The following NLRP4 variants were observed in gnomAD, a reference collection of about 807,000 sequenced individuals.
The protein encoded by NLRP4 is NACHT, LRR and PYD domains-containing protein 4.
A neutral mutation model predicts 84.7 loss-of-function variants in NLRP4; 44 were observed. That is an observed-to-expected ratio of 0.52 (90% CI 0.41 to 0.67). NLRP4 has a LOEUF of 0.67. NLRP4 is among the 30% of genes least tolerant of loss of function. The probability of loss-of-function intolerance (pLI) is 0.00; values close to 1 mark genes in which losing one functional copy is unlikely to be tolerated. For synonymous variants in NLRP4, 544 were observed against 476.4 expected (o/e 1.14, Z -1.85); for missense variants, 1,260 against 1,219.4 (o/e 1.03, Z -0.50).
Position 55,857,570 on chromosome 19 carries a change from A to G in NLRP4, c.281-104A>G, listed in dbSNP as rs753907092. 25 of 1,057,440 alleles carry G rather than the reference A, an allele frequency of 2.4e-5. No individual in the cohort carries two copies. In the Admixed American group the frequency reaches 5.9e-4, roughly 25 times the overall value. The allele number at this position is 1,057,440 out of a possible 1,614,324, so 65.5% of individuals were successfully genotyped here. A position where few individuals can be genotyped will look rare whatever the true frequency, so the allele number is the denominator to read the frequency against. ...TGACCAGGTTTGGCCTGGGGGCCAC[A>G]GTGTGTAGACCCCTGGAAAGATACA... On this transcript the variant is annotated intron_variant, in intron 2 of 9. Coordinates refer to ENST00000301295, the MANE Select transcript of NLRP4 (RefSeq NM_134444.5).
chr19:55,850,078 C>A (rs138871620), intron 1 of NLRP4, among the ~76,000 whole-genome samples: 16 of 141,062 alleles, frequency 1.1e-4, no homozygotes, highest in Admixed American at 1.1e-3. Context: ...TCCGAGACTG[C>A]GGTGTAATTT....
rs1289837578 is a variant in NLRP4, at chr19:55,836,720, C to T, written c.-280C>T. ...CTCCATTCTATTTACCCAGCGTTTT[C>T]CTTCTCTCCAGTTAGTGGGGTAGAT... On this transcript the variant is annotated 5_prime_UTR_variant, in exon 1 of 10. Transcript: ENST00000301295. The T allele has an allele frequency of 6.6e-6, 1 of 151,966 alleles. No individual in the cohort carries two copies. Among genetic ancestry groups the T allele is most frequent in the Non-Finnish European group, 1.5e-5 (1 of 68,090 alleles). 9.4% of individuals were successfully genotyped at this position (151,966 alleles called of 1,614,324 possible). A position where few individuals can be genotyped will look rare whatever the true frequency, so the allele number is the denominator to read the frequency against.
chr19:55,877,232 A>G (rs747046260), intron 8 of NLRP4, 66 bp downstream of exon 8: 80 of 1,464,118 alleles, frequency 5.5e-5, no homozygotes, highest in Non-Finnish European at 6.9e-5. Context: ...GATGGGAAGA[A>G]AGAGAAAGAT....
rs1985599042 is a variant in NLRP4, at chr19:55,881,679, C to G, written c.*92C>G. On this transcript the variant is annotated 3_prime_UTR_variant, in exon 10 of 10. Transcript: ENST00000301295. The stretch of plus-strand genomic sequence containing the variant: ...GACACTGCACCCAGGAGATACAAAT[C>G]ATTGATACTCTGAGTTGTGAGATTT... The G allele has an allele frequency of 4.6e-6, 3 of 654,644 alleles. No individual in the cohort carries two copies. The South Asian group carries it at 6.0e-5, about 13-fold the overall frequency. 40.6% of individuals were successfully genotyped at this position (654,644 alleles called of 1,614,324 possible). A position where few individuals can be genotyped will look rare whatever the true frequency, so the allele number is the denominator to read the frequency against.
chr19:55,865,567 T>C (rs1984922862), intron 5 of NLRP4, among the ~76,000 whole-genome samples: 1 of 152,216 alleles, frequency 6.6e-6, no homozygotes, highest in Non-Finnish European at 1.5e-5. Context: ...GCTGAACTAA[T>C]TTACATTCCT....
intron 1 of NLRP4, among the ~76,000 whole-genome samples, chr19:55,841,920 G>A (rs75714685): frequency 0.1 from 15,776 of 152,144 alleles, 1,083 homozygotes; most frequent in South Asian, 0.24. Flanking sequence ...TTTGACATAC[G>A]AATTTCCTTT....
intron 7 of NLRP4, among the ~76,000 whole-genome samples, chr19:55,871,758 C>T (rs897353485): frequency 1.3e-5 from 2 of 152,148 alleles, no homozygotes; most frequent in African/African-American, 4.8e-5. Flanking sequence ...GCTATCTGGG[C>T]CAATCGTTGG....
At chr19:55,860,468 T>G (rs1984706052) in intron 3 of NLRP4, among the ~76,000 whole-genome samples, 1 of 152,036 alleles carries the variant, frequency 6.6e-6, no homozygotes, top group Admixed American at 6.6e-5. Flanking sequence ...CACAGCTACT[T>G]GAGGGAGGCT....
At chr19:55,859,956 A>C (rs1179137237) in intron 3 of NLRP4, among the ~76,000 whole-genome samples, 4 of 142,028 alleles carry the variant, frequency 2.8e-5, no homozygotes, top group Non-Finnish European at 6.2e-5. Context: ...AAAAAAACAA[A>C]ACACAAATCA....
At chr19:55,849,803 AATTTCCAAAG>A (rs1983945019) in intron 1 of NLRP4, among the ~76,000 whole-genome samples, 1 of 150,120 alleles carries the variant, frequency 6.7e-6, no homozygotes, top group African/African-American at 2.5e-5. Context: ...GCTGCGGTGT[AATTTCCAAAG>A]CTGCGGTGTA....
At chr19:55,863,879 TA>T (rs1984856927) in intron 5 of NLRP4, among the ~76,000 whole-genome samples, 2 of 152,162 alleles carry the variant, frequency 1.3e-5, no homozygotes, top group African/African-American at 4.8e-5. Flanking sequence ...TTCCTGTAAA[TA>T]CTTACCCTCT....
At chr19:55,844,370 C>T (rs576826265) in intron 1 of NLRP4, among the ~76,000 whole-genome samples, 17 of 152,070 alleles carry the variant, frequency 1.1e-4, no homozygotes, top group African/African-American at 2.4e-4. Context: ...TGTAACCTCC[C>T]GGGTTCAAGC....
chr19:55,842,949 T>G (rs141692786), intron 1 of NLRP4, among the ~76,000 whole-genome samples: 1 of 151,852 alleles, frequency 6.6e-6, no homozygotes, highest in Non-Finnish European at 1.5e-5. Context: ...TTAGTAGAGA[T>G]GGGGTTTCAC....
Position 55,862,727 on chromosome 19 carries a change from T to C in NLRP4, c.2186+568T>C, listed in dbSNP as rs1350680097. On this transcript the variant is annotated intron_variant, in intron 5 of 9. Transcript: ENST00000301295. Reference sequence around the variant, plus strand: ...ACTGATTGGGTTTCAGAGAAGACTATAGCGTAAGTCTCTGTTTATTGAGAC... The same window carrying C: ...ACTGATTGGGTTTCAGAGAAGACTACAGCGTAAGTCTCTGTTTATTGAGAC... 2.0e-5 allele frequency among the ~76,000 whole-genome samples: 3 copies of C among 151,280 alleles called. No individual in the cohort carries two copies. The East Asian group carries it at 5.9e-4, about 30-fold the overall frequency.
At chr19:55,874,481 A>C (rs908084741) in intron 7 of NLRP4, among the ~76,000 whole-genome samples, 1 of 152,224 alleles carries the variant, frequency 6.6e-6, no homozygotes, top group Non-Finnish European at 1.5e-5. Flanking sequence ...TGCTACAGAT[A>C]TTAAAAAGAT....
At chr19:55,878,655 C>T in intron 8 of NLRP4, 139 bp from the exon 9 acceptor site, 1 of 638,356 alleles carries the variant, frequency 1.6e-6, no homozygotes, top group South Asian at 2.5e-5. Context: ...GACGCGTGAT[C>T]TGAGGTCGTA....
intron 7 of NLRP4, among the ~76,000 whole-genome samples, chr19:55,875,470 A>C (rs1985334161): frequency 6.6e-6 from 1 of 152,216 alleles, no homozygotes; most frequent in Non-Finnish European, 1.5e-5. Context: ...ATAAAAAAGA[A>C]ATTACCTAGA....
intron 8 of NLRP4, 102 bp from the exon 9 acceptor site, chr19:55,878,692 T>C: frequency 1.0e-6 from 1 of 995,786 alleles, no homozygotes. Flanking sequence ...AGATTGCACT[T>C]GAGGCAATGG....
chr19:55,852,729 G>C (rs767749565), intron 2 of NLRP4, among the ~76,000 whole-genome samples: 2 of 152,038 alleles, frequency 1.3e-5, no homozygotes, highest in Admixed American at 1.3e-4. Context: ...CACCCATCTT[G>C]GCCTCCCAAA....
Sources: gnomAD v4.1 joint callset for allele counts (sites outside exome capture counted in the v4.1 genomes callset) on GRCh38, gnomAD v4.1.1 for gene constraint, MANE v1.5 for transcripts, NCBI Gene and HGNC (gene_info 2026-07-23, HGNC 2026-07-21) for gene names.